The following TMEM117 variants were observed in gnomAD, a reference collection of about 807,000 sequenced individuals.
TMEM117 encodes transmembrane protein 117.
In TMEM117, 27 loss-of-function variants were observed where a neutral mutation model predicts 52.4. The ratio of observed to expected loss-of-function variants is 0.51; its 90% CI spans 0.38 to 0.71. The LOEUF (loss-of-function observed/expected upper bound fraction) is 0.71. TMEM117 is among the 30% of genes least tolerant of loss of function. The pLI is 0.00. For missense variants in TMEM117, 556 were observed against 630.5 expected, an observed-to-expected ratio of 0.88 and a Z score of 1.26; for synonymous variants, 215 against 206.3, an observed-to-expected ratio of 1.04 and a Z score of -0.36.
At position 44,006,695 on chromosome 12, in the gene TMEM117, T is replaced by A. The variant is rs146897008; in HGVS notation, c.410+62353T>A. Among the ~76,000 whole-genome samples, 218 of 152,288 alleles carry A rather than the reference T, an allele frequency of 1.4e-3. 3 individuals are homozygous for A. The East Asian group carries it at 0.025, about 17-fold the overall frequency. On this transcript the variant is annotated intron_variant, in intron 3 of 7. Coordinates refer to ENST00000266534, the MANE Select transcript of TMEM117 (RefSeq NM_032256.3). ...GGCGGGGAAACTTTGAATAACCAGA[T>A]ACATACATATAGATAGATAGGTAAA...
At chr12:44,164,177 T>C (rs1344009266) in intron 4 of TMEM117, among the ~76,000 whole-genome samples, 1 of 152,162 alleles carries the variant, frequency 6.6e-6, no homozygotes, top group African/African-American at 2.4e-5. Context: ...AAAAACATAC[T>C]TCTTTTTTTC....
chr12:44,351,505 C>A (rs1441434924), intron 6 of TMEM117, among the ~76,000 whole-genome samples: 1 of 151,848 alleles, frequency 6.6e-6, no homozygotes, highest in African/African-American at 2.4e-5. Flanking sequence ...TAGATTTAAA[C>A]CTTTAATTCA....
chr12:44,263,552 T>C (rs1242848344), intron 5 of TMEM117: 2 of 152,238 alleles, frequency 1.3e-5, no homozygotes, highest in Non-Finnish European at 2.9e-5. Context: ...TGTATATTTA[T>C]TGCAGCACTA....
chr12:43,895,071 T>C (rs1401285717), intron 2 of TMEM117, among the ~76,000 whole-genome samples: 1 of 152,200 alleles, frequency 6.6e-6, no homozygotes, highest in African/African-American at 2.4e-5. Context: ...GGGGGTTTGT[T>C]GTGCAGATTA....
chr12:44,119,455 G>A (rs1409603446), intron 3 of TMEM117, among the ~76,000 whole-genome samples: 1 of 152,196 alleles, frequency 6.6e-6, no homozygotes, highest in Non-Finnish European at 1.5e-5. Context: ...TGAAAGTCAG[G>A]AGAGTGTAAA....
At chr12:44,106,498 G>T (rs1329143447) in intron 3 of TMEM117, among the ~76,000 whole-genome samples, 2 of 151,962 alleles carry the variant, frequency 1.3e-5, no homozygotes, top group Admixed American at 6.6e-5. Context: ...ATATATCTGG[G>T]TGCTTATTGG....
At chr12:44,083,216 T>A (rs1947510889) in intron 3 of TMEM117, among the ~76,000 whole-genome samples, 1 of 152,152 alleles carries the variant, frequency 6.6e-6, no homozygotes, top group Admixed American at 6.6e-5. Context: ...GACCATGGTT[T>A]ATCCAAATGT....
intron 4 of TMEM117, among the ~76,000 whole-genome samples, chr12:44,209,072 G>A (rs1425577553): frequency 4.0e-5 from 6 of 151,856 alleles, no homozygotes; most frequent in African/African-American, 1.5e-4. Flanking sequence ...GTAACCTTTA[G>A]GTTTTGTTAA....
downstream of TMEM117, among the ~76,000 whole-genome samples, chr12:44,393,157 A>G (rs1952168776): frequency 6.6e-6 from 1 of 152,158 alleles, no homozygotes; most frequent in African/African-American, 2.4e-5. Flanking sequence ...ACTTTAGTGA[A>G]TATAAAACAT....
intron 5 of TMEM117, among the ~76,000 whole-genome samples, chr12:44,246,614 T>G (rs1950133356): frequency 1.3e-5 from 2 of 152,236 alleles, no homozygotes; most frequent in Non-Finnish European, 2.9e-5. Context: ...AAAACACACT[T>G]TTTCTTTTAA....
chr12:44,250,822 A>T (rs1950188555), intron 5 of TMEM117, among the ~76,000 whole-genome samples: 1 of 152,114 alleles, frequency 6.6e-6, no homozygotes, highest in Non-Finnish European at 1.5e-5. Flanking sequence ...AACAACACAC[A>T]CTGAGGCCAG....
chr12:43,876,560 G>C (rs1943799632), intron 2 of TMEM117, among the ~76,000 whole-genome samples: 1 of 152,116 alleles, frequency 6.6e-6, no homozygotes. Flanking sequence ...ATATCTCACA[G>C]CCTTGTTAGA....
Position 44,347,913 on chromosome 12 carries a change from G to A in TMEM117, c.769-28682G>A, listed in dbSNP as rs77407240. The stretch of plus-strand genomic sequence containing the variant: ...GGCCTTGCTGTCGAGCAATTGAAGC[G>A]ACTCTGAAAGTGGAACCCAGTGAGT... On this transcript the variant is annotated intron_variant, in intron 6 of 7. Coordinates refer to ENST00000266534, the MANE Select transcript of TMEM117 (RefSeq NM_032256.3). Among the ~76,000 whole-genome samples, 1,460 of 152,098 alleles carry A rather than the reference G, an allele frequency of 9.6e-3. 9 individuals carry two copies. Among genetic ancestry groups the A allele is most frequent in the Non-Finnish European group, 0.016 (1,057 of 67,986 alleles).
intron 3 of TMEM117, among the ~76,000 whole-genome samples, chr12:43,957,066 C>T (rs1381793392): frequency 6.6e-6 from 1 of 152,118 alleles, no homozygotes; most frequent in Non-Finnish European, 1.5e-5. Flanking sequence ...GAAAACCAAA[C>T]ATTGCATATT....
chr12:44,058,234 A>G (rs1947088177), intron 3 of TMEM117, among the ~76,000 whole-genome samples: 1 of 152,170 alleles, frequency 6.6e-6, no homozygotes. Flanking sequence ...TTCGCTAAGA[A>G]TCTCAGCAGC....
intron 3 of TMEM117, among the ~76,000 whole-genome samples, chr12:44,017,916 T>C (rs1946397318): frequency 6.6e-6 from 1 of 152,240 alleles, no homozygotes; most frequent in Admixed American, 6.5e-5. Flanking sequence ...TTTGATTTTT[T>C]TCAATGTTCT....
chr12:43,836,709 A>AT (rs1243570403), intron 1 of TMEM117, among the ~76,000 whole-genome samples: 1 of 151,608 alleles, frequency 6.6e-6, no homozygotes, highest in African/African-American at 2.4e-5. Flanking sequence ...AAATAAAACT[A>AT]TTTTTTTTCA....
intron 3 of TMEM117, among the ~76,000 whole-genome samples, chr12:44,116,848 C>T (rs1370722837): frequency 1.3e-5 from 2 of 152,238 alleles, no homozygotes; most frequent in African/African-American, 2.4e-5. Flanking sequence ...CTCCTCATGA[C>T]TGCTGCTAGT....
the TMEM117 span, among the ~76,000 whole-genome samples, chr12:43,814,225 A>T: frequency 1.3e-5 from 2 of 151,978 alleles, no homozygotes; most frequent in East Asian, 3.8e-4. Flanking sequence ...GAAAAAGCTC[A>T]CTTCCACGAC....
Sources: allele counts gnomAD v4.1 joint callset (sites outside exome capture counted in the v4.1 genomes callset), GRCh38; gene constraint gnomAD v4.1.1; transcripts MANE v1.5; gene names NCBI Gene and HGNC (gene_info 2026-07-23, HGNC 2026-07-21).